LIAS: variants seen among roughly 807,000 people sequenced by gnomAD.
The protein encoded by LIAS is lipoyl synthase, mitochondrial.
In LIAS, 36 loss-of-function variants were observed where a neutral mutation model predicts 49.4. The ratio of observed to expected loss-of-function variants is 0.73; its 90% confidence interval spans 0.56 to 0.96. LIAS has a LOEUF of 0.96. Among genes scored for constraint, LIAS ranks in the 40% least tolerant of loss-of-function variants. The pLI is 0.00. For synonymous variants in LIAS, 145 were observed against 155.8 expected (o/e 0.93, Z 0.52); for missense variants, 399 against 456.3 (o/e 0.87, Z 1.14).
rs1745303942 is a variant in LIAS, at chr4:39,479,027, G to T, written c.*1912G>T. On this transcript the variant is annotated 3_prime_UTR_variant, in exon 11 of 11. Coordinates refer to ENST00000640888, the MANE Select transcript of LIAS (RefSeq NM_006859.4). ...GTTTGAGACTAGCCTGGGCAACACA[G>T]TCAGACCCCCATCTCTACCAAAAAT... 1 of 152,128 alleles carries T rather than the reference G, an allele frequency of 6.6e-6. No homozygotes were observed. Among genetic ancestry groups the T allele is most frequent in the Non-Finnish European group, 1.5e-5 (1 of 68,046 alleles). The allele number at this position is 152,128 out of a possible 1,614,324, so 9.4% of individuals were successfully genotyped here. A position where few individuals can be genotyped will look rare whatever the true frequency, so the allele number is the denominator to read the frequency against.
intron 9 of LIAS, 26 bp from the exon 10 acceptor site, chr4:39,473,074 G>T (rs1335500876): frequency 1.5e-6 from 2 of 1,322,008 alleles, no homozygotes; most frequent in South Asian, 2.4e-5. Flanking sequence ...TCTAAAATCT[G>T]ATCAGAAGTA....
At chr4:39,464,254 T>A (rs112434205) in intron 4 of LIAS, 4,274 of 151,822 alleles carry the variant, frequency 0.028, 110 homozygotes, top group Middle Eastern at 0.12. Context: ...GAGGATCACT[T>A]GAGCCCAACA....
intron 10 of LIAS, 56 bp from the exon 11 acceptor site, chr4:39,477,007 T>A: frequency 8.9e-7 from 1 of 1,124,864 alleles, no homozygotes. Flanking sequence ...GAAATAGTTG[T>A]CTCACTGTTA....
intron 7 of LIAS, chr4:39,469,387 C>T (rs919496473): frequency 2.6e-5 from 4 of 152,178 alleles, no homozygotes; most frequent in African/African-American, 9.6e-5. Flanking sequence ...AGTTTAACAT[C>T]AGAAGCTTTC....
intron 7 of LIAS, chr4:39,468,521 A>ATATATATT (rs1468216619): frequency 8.6e-5 from 12 of 139,584 alleles, no homozygotes; most frequent in African/African-American, 3.0e-4. Context: ...ATATATATAT[A>ATATATATT]TTTTTTTATA....
intron 10 of LIAS, 195 bp downstream of exon 10, chr4:39,473,406 TTGTTTCTTAAAC>T: frequency 2.3e-6 from 1 of 433,936 alleles, no homozygotes; most frequent in Admixed American, 4.1e-5. Flanking sequence ...TCTTAATCTT[TTGTTTCTTAAAC>T]AAATTCAGCC....
intron 9 of LIAS, among the ~76,000 whole-genome samples, chr4:39,472,191 A>C (rs1392762271): frequency 6.6e-6 from 1 of 152,034 alleles, no homozygotes; most frequent in Non-Finnish European, 1.5e-5. Context: ...CTAGAGAAAA[A>C]ATTTTTTGAA....
In LIAS at chr4:39,463,525, G is replaced by A. The variant is rs775744955; in HGVS notation, c.313G>A (p.Val105Ile). 3 of 1,605,208 alleles carry A rather than the reference G, an allele frequency of 1.9e-6. No individual in the cohort carries two copies. The South Asian group carries it at 3.3e-5, about 18-fold the overall frequency. ...NTLRNLNLHT[V>I]CEEARCPNIG... Reference sequence around the variant, plus strand: ...GTGTTCCATTTCCTTTTGCATACAGGTATGTGAGGAAGCTCGATGTCCCAA... The same window carrying A: ...GTGTTCCATTTCCTTTTGCATACAGATATGTGAGGAAGCTCGATGTCCCAA... Residue 105 changes from valine (V) to isoleucine (I), a missense_variant and splice_region_variant, in exon 4 of 11, where the codon GTA becomes ATA. Physicochemically the swap from Val to Ile is conservative, Grantham distance 29 (BLOSUM62 3). This residue lies in a region of LIAS where 159 missense variants were observed against 147.6 expected (regional missense o/e 1.08). Transcript: ENST00000640888.
At chr4:39,476,944 G>A (rs995346643) in intron 10 of LIAS, 119 bp from the exon 11 acceptor site, 1 of 642,146 alleles carries the variant, frequency 1.6e-6, no homozygotes, top group East Asian at 3.1e-5. Flanking sequence ...AGAGAGAAGT[G>A]CCAATAAATA....
Position 39,460,798 on chromosome 4 carries a change from G to C in LIAS, c.54G>C (p.Gly18=). Residue 18 remains glycine, a synonymous_variant, in exon 2 of 11, where the codon GGG becomes GGC. Transcript: ENST00000640888. ...ATTAACTCTTTCTTTAGGTATTTGG[G>C]AGATATTTTTGCAGCCCAGTCAGAC... ...AARTLGPRVF[G]RYFCSPVRPL... 1 of 1,573,052 alleles carries C rather than the reference G, an allele frequency of 6.4e-7. No individual in the cohort carries two copies. The highest frequency in any genetic ancestry group is 8.6e-7 in the Non-Finnish European group (1 of 1,164,310).
chr4:39,465,436 T>C, intron 6 of LIAS, 94 bp downstream of exon 6: 2 of 1,036,816 alleles, frequency 1.9e-6, no homozygotes, highest in Admixed American at 5.5e-5. Context: ...ATTATTCACT[T>C]TTTGAGGAGT....
At chr4:39,463,737 T>A in intron 4 of LIAS, 132 bp downstream of exon 4, 1 of 1,355,524 alleles carries the variant, frequency 7.4e-7, no homozygotes, top group Admixed American at 3.3e-5. Flanking sequence ...TGAAAAATAT[T>A]AAGAAAAAAC....
rs2259073 is a variant in LIAS, at chr4:39,473,454, A to C, written c.1066+243A>C. ...CCCTGCTTTGTAACTCAGCTACTAT[A>C]GTAAAAGCAGAAACAATTAGTTTAT... On this transcript the variant is annotated intron_variant, in intron 10 of 10. Transcript: ENST00000640888. 0.15 allele frequency: 50,001 copies of C among 331,442 alleles called. 4,152 individuals are homozygous for C. Among genetic ancestry groups the C allele is most frequent in the Admixed American group, 0.2 (4,239 of 21,362 alleles). The allele number at this position is 331,442 out of a possible 1,614,324, so 20.5% of individuals were successfully genotyped here.
In LIAS at chr4:39,477,135, A is replaced by G; in HGVS notation, c.*20A>G. On this transcript the variant is annotated 3_prime_UTR_variant, in exon 11 of 11. Transcript: ENST00000640888. ...CTCTAAAACTTCAACAAGACCTTCA[A>G]GATCACAGAAATTTTTAAAATTTGA... 6.3e-7 allele frequency: 1 copy of G among 1,580,886 alleles called. No individual in the cohort carries two copies. The highest frequency in any genetic ancestry group is 8.6e-7 in the Non-Finnish European group (1 of 1,161,498).
intron 4 of LIAS, 21 bp from the exon 5 acceptor site, chr4:39,465,025 A>T: frequency 1.9e-6 from 3 of 1,596,892 alleles, no homozygotes; most frequent in Non-Finnish European, 2.6e-6. Flanking sequence ...TTTCATTTAA[A>T]TTGTAACATT....
chr4:39,460,820 A>G lies in LIAS; in HGVS notation c.76A>G (p.Arg26Gly), dbSNP rs773069554. 4.7e-5 allele frequency: 75 copies of G among 1,592,314 alleles called. No homozygotes were observed. In the South Asian group the frequency reaches 7.8e-4, roughly 17 times the overall value. The change falls in exon 2 of 11, where the codon AGA becomes GGA. Residue 26 changes from arginine to glycine, a missense_variant. Around this residue, in one of 3 missense-constraint regions of LIAS, gnomAD observed 159 missense variants for 147.6 expected, o/e 1.08. Coordinates refer to ENST00000640888, the MANE Select transcript of LIAS (RefSeq NM_006859.4). ...TGGGAGATATTTTTGCAGCCCAGTC[A>G]GACCGTTAAGCTCCTTGCCAGATAA... ...VFGRYFCSPV[R>G]PLSSLPDKKK...
rs1275259877 is a variant in LIAS at position 39,478,347 on chromosome 4, T to TA, written c.*1239dup. 1 of 151,954 alleles carries TA rather than the reference T, an allele frequency of 6.6e-6. No individual in the cohort carries two copies. Among genetic ancestry groups the TA allele is most frequent in the Non-Finnish European group, 1.5e-5 (1 of 67,978 alleles). 9.4% of individuals were successfully genotyped at this position (151,954 alleles called of 1,614,324 possible). ...GGTGAAACTCCATTGCTACTAAAAA[T>TA]AAAAAAATTAGCTAGGTGTGTTGGC... On this transcript the variant is annotated 3_prime_UTR_variant, in exon 11 of 11. Transcript: ENST00000640888.
intron 10 of LIAS, chr4:39,475,197 C>G (rs944379656): frequency 6.6e-6 from 1 of 151,444 alleles, no homozygotes; most frequent in African/African-American, 2.4e-5. Flanking sequence ...AAGAGCAACA[C>G]TCTGTCTCCA....
At chr4:39,465,564 C>A (rs7656489) in intron 6 of LIAS, among the ~76,000 whole-genome samples, 108 of 152,268 alleles carry the variant, frequency 7.1e-4, no homozygotes, top group African/African-American at 2.5e-3. Context: ...CATGAACTTA[C>A]CCATAGACCT....
Sources: allele counts gnomAD v4.1 joint callset (sites outside exome capture counted in the v4.1 genomes callset), GRCh38; gene constraint gnomAD v4.1.1; regional missense constraint gnomAD v4.1.1; transcripts MANE v1.5; gene names NCBI Gene and HGNC (gene_info 2026-07-23, HGNC 2026-07-21).